Variants in MTPAP observed in about 807,000 individuals in gnomAD.
MTPAP encodes poly(A) RNA polymerase, mitochondrial.
In MTPAP, 23 loss-of-function variants were observed where a neutral mutation model predicts 48.7. That is an observed-to-expected ratio of 0.47 (90% CI 0.34 to 0.67). The LOEUF is 0.67. MTPAP is among the 30% of genes least tolerant of loss of function. The probability of loss-of-function intolerance (pLI) is 0.01; values close to 1 mark genes in which losing one functional copy is unlikely to be tolerated. For missense variants in MTPAP, 614 were observed against 694.3 expected (o/e 0.88, Z 1.30); for synonymous variants, 257 against 254.1 (o/e 1.01, Z -0.11).
At chr10:30,338,568 G>C (rs542242664) in intron 3 of MTPAP, among the ~76,000 whole-genome samples, 4 of 151,966 alleles carry the variant, frequency 2.6e-5, no homozygotes, top group East Asian at 3.9e-4. Flanking sequence ...CCTGCTACTT[G>C]GGAGGCTGAG....
intron 4 of MTPAP, among the ~76,000 whole-genome samples, chr10:30,329,211 G>C (rs1834635420): frequency 6.6e-6 from 1 of 151,596 alleles, no homozygotes; most frequent in African/African-American, 2.4e-5. Context: ...TTGTGCCCCT[G>C]CACTCCAGCC....
In MTPAP at chr10:30,313,661, G is replaced by C; in HGVS notation, c.1697C>G (p.Thr566Arg). 2 of 1,614,090 alleles carry C rather than the reference G, an allele frequency of 1.2e-6. No individual in the cohort carries two copies. The highest frequency in any genetic ancestry group is 2.2e-5 in the South Asian group (2 of 91,076). Residue 566 changes from threonine to arginine, a missense_variant, in exon 9 of 9, where the codon ACA becomes AGA. Transcript: ENST00000263063. Reference sequence around the variant, plus strand: ...CCCACTGGTTTTTGTGAAATTTTCTGTTCTGTTACCTTTTAAAGATTCTAG... The same window carrying C: ...CCCACTGGTTTTTGTGAAATTTTCTCTTCTGTTACCTTTTAAAGATTCTAG... The part of the protein sequence containing the change: ...NLLESLKGNR[T>R]ENFTKTSGKR...
At chr10:30,335,907 G>T (rs1231411199) in intron 4 of MTPAP, among the ~76,000 whole-genome samples, 1 of 152,186 alleles carries the variant, frequency 6.6e-6, no homozygotes. Context: ...TACTCAGGAG[G>T]CTGAGGCAGG....
intron 1 of MTPAP, among the ~76,000 whole-genome samples, chr10:30,347,638 TC>T (rs1834887870): frequency 6.6e-6 from 1 of 152,218 alleles, no homozygotes; most frequent in South Asian, 2.1e-4. Flanking sequence ...ACGCCTGTAA[TC>T]CCAGCACTTT....
At position 30,339,632 on chromosome 10, in the gene MTPAP, C is replaced by T. The variant is rs563667453; in HGVS notation, c.555+594G>A. On this transcript the variant is annotated intron_variant, in intron 3 of 8. Transcript: ENST00000263063. ...GAAAACTTCAGAAGAATGTGGTTAC[C>T]TGTAAGTACAAATGGGGCATGGCGG... Among the ~76,000 whole-genome samples, 5 of 152,206 alleles carry T rather than the reference C, an allele frequency of 3.3e-5. No homozygotes were observed. The East Asian group carries it at 5.8e-4, about 18-fold the overall frequency.
At chr10:30,323,128 CAAAAAAAAAAAA>C (rs201987154) in intron 5 of MTPAP, among the ~76,000 whole-genome samples, 4 of 86,524 alleles carry the variant, frequency 4.6e-5, no homozygotes, top group South Asian at 7.9e-4. Context: ...GACTCCGTTT[CAAAAAAAAAAAA>C]AAAAAAAAAA....
At chr10:30,335,107 G>A (rs986124571) in intron 4 of MTPAP, among the ~76,000 whole-genome samples, 2 of 152,188 alleles carry the variant, frequency 1.3e-5, no homozygotes, top group East Asian at 3.8e-4. Context: ...AATATCAACT[G>A]GACATCCACA....
At chr10:30,339,790 T>C (rs114927053) in intron 3 of MTPAP, among the ~76,000 whole-genome samples, 1,678 of 152,330 alleles carry the variant, frequency 0.011, 25 homozygotes, top group African/African-American at 0.037. Flanking sequence ...AATGTAATAA[T>C]GCATTTTTGT....
intron 1 of MTPAP, among the ~76,000 whole-genome samples, chr10:30,344,983 C>T (rs950216554): frequency 2.6e-5 from 4 of 152,184 alleles, no homozygotes; most frequent in South Asian, 2.1e-4. Context: ...GGATTACAAG[C>T]GTGAGCCATG....
intron 4 of MTPAP, among the ~76,000 whole-genome samples, chr10:30,332,851 G>C (rs891261767): frequency 6.6e-6 from 1 of 152,076 alleles, no homozygotes; most frequent in Non-Finnish European, 1.5e-5. Context: ...GCCGGGCGCA[G>C]TGGCTCATGC....
At chr10:30,335,899 C>T (rs1285485518) in intron 4 of MTPAP, among the ~76,000 whole-genome samples, 1 of 152,114 alleles carries the variant, frequency 6.6e-6, no homozygotes, top group African/African-American at 2.4e-5. Context: ...ATCCCAGCTA[C>T]TCAGGAGGCT....
intron 1 of MTPAP, among the ~76,000 whole-genome samples, chr10:30,344,273 T>C (rs1834845141): frequency 6.6e-6 from 1 of 152,202 alleles, no homozygotes; most frequent in Admixed American, 6.5e-5. Flanking sequence ...GAACTATCTA[T>C]GTCTTCTTCC....
intron 1 of MTPAP, among the ~76,000 whole-genome samples, chr10:30,344,911 T>C (rs2256847): frequency 0.96 from 145,724 of 152,204 alleles, 70,062 homozygotes; most frequent in Non-Finnish European, 1. Context: ...ACCATGTTGG[T>C]CCGGCTGCTC....
At chr10:30,332,541 G>T (rs1175873778) in intron 4 of MTPAP, among the ~76,000 whole-genome samples, 1 of 152,030 alleles carries the variant, frequency 6.6e-6, no homozygotes, top group South Asian at 2.1e-4. Flanking sequence ...TGATCCACCC[G>T]ACTTGGCCTC....
At chr10:30,336,142 AC>A (rs1231648505) in intron 4 of MTPAP, among the ~76,000 whole-genome samples, 1 of 152,236 alleles carries the variant, frequency 6.6e-6, no homozygotes, top group African/African-American at 2.4e-5. Flanking sequence ...AGACTGATAG[AC>A]TGGAGTAAAA....
chr10:30,340,790 GTGTC>G (rs1173841980), intron 2 of MTPAP, among the ~76,000 whole-genome samples: 1 of 152,010 alleles, frequency 6.6e-6, no homozygotes, highest in Non-Finnish European at 1.5e-5. Context: ...GTGGTGGCAG[GTGTC>G]TGTAAGTCCA....
chr10:30,348,997 G>T, intron 1 of MTPAP, 122 bp downstream of exon 1: 1 of 1,445,902 alleles, frequency 6.9e-7, no homozygotes, highest in Non-Finnish European at 9.6e-7. Context: ...GAGAGGACAG[G>T]ACACAGCCCC....
At position 30,316,206 on chromosome 10, in the gene MTPAP, T is replaced by C. The variant is rs764926062; in HGVS notation, c.1224A>G (p.Ala408=). The part of the protein sequence containing the change: ...TLDSLKTLAD[A]EDKCVIEGNN... ...TGCCTTCTATTACACATTTATCTTC[T>C]GCATCTTAAACACAAACAAAAAATA... The change falls in exon 7 of 9, where the codon GCA becomes GCG. Residue 408 remains alanine, a synonymous_variant. Coordinates refer to ENST00000263063, the MANE Select transcript of MTPAP (RefSeq NM_018109.4). The C allele has an allele frequency of 3.1e-6, 5 of 1,612,636 alleles. No homozygotes were observed. The highest frequency in any genetic ancestry group is 1.7e-5 in the Admixed American group (1 of 59,994).
In MTPAP at chr10:30,313,547, C is replaced by A; in HGVS notation, c.*62G>T. 2 of 1,604,600 alleles carry A rather than the reference C, an allele frequency of 1.2e-6. No homozygotes were observed. Among genetic ancestry groups the A allele is most frequent in the Non-Finnish European group, 1.7e-6 (2 of 1,173,790 alleles). On this transcript the variant is annotated 3_prime_UTR_variant, in exon 9 of 9. Coordinates refer to ENST00000263063, the MANE Select transcript of MTPAP (RefSeq NM_018109.4). ...CTGTGAAAGTTTCAAATCAGTTTTT[C>A]CAAGTAAGTCCACAGACCATTTGAT...
Sources: gnomAD v4.1 joint callset for allele counts (sites outside exome capture counted in the v4.1 genomes callset) on GRCh38, gnomAD v4.1.1 for gene constraint, MANE v1.5 for transcripts, NCBI Gene and HGNC (gene_info 2026-07-23, HGNC 2026-07-21) for gene names.